Variants in ITM2B observed in about 807,000 individuals in gnomAD.
The protein encoded by ITM2B is ABri/ADan amyloid peptide.
A neutral mutation model predicts 27.8 loss-of-function variants in ITM2B; 11 were observed. The observed-to-expected ratio is 0.40, with a 90% CI of 0.25 to 0.66. The LOEUF (loss-of-function observed/expected upper bound fraction) is 0.66, where lower values mean the gene tolerates loss of function less well. Among genes scored for constraint, ITM2B ranks in the 30% least tolerant of loss-of-function variants. The probability of loss-of-function intolerance (pLI) is 0.43; values close to 1 mark genes in which losing one functional copy is unlikely to be tolerated. For missense variants in ITM2B, 296 were observed against 328.9 expected (o/e 0.90, Z 0.77); for synonymous variants, 114 against 114.3 (o/e 1.00, Z 0.02).
chr13:48,243,437 C>G (rs965127986), intron 1 of ITM2B, among the ~76,000 whole-genome samples: 2 of 152,130 alleles, frequency 1.3e-5, no homozygotes, highest in African/African-American at 4.8e-5. Flanking sequence ...TTAATTTTGA[C>G]AACATATTAA....
chr13:48,242,271 T>C (rs925814955), intron 1 of ITM2B, among the ~76,000 whole-genome samples: 9 of 152,202 alleles, frequency 5.9e-5, no homozygotes, highest in Non-Finnish European at 1.2e-4. Flanking sequence ...TCATGCTTCT[T>C]GGGGCAGGAG....
intron 2 of ITM2B, 139 bp from the exon 3 acceptor site, chr13:48,256,038 T>TA (rs1951785256): frequency 2.9e-6 from 2 of 692,088 alleles, no homozygotes; most frequent in Non-Finnish European, 5.2e-6. Flanking sequence ...ACTCTGTAAT[T>TA]AAACTGTCTG....
intron 1 of ITM2B, among the ~76,000 whole-genome samples, chr13:48,249,919 T>A (rs1435069485): frequency 1.3e-5 from 2 of 152,238 alleles, no homozygotes; most frequent in Non-Finnish European, 2.9e-5. Context: ...TAAAGCTTAC[T>A]CTTTGAAGTG....
chr13:48,256,094 A>G, intron 2 of ITM2B, 83 bp from the exon 3 acceptor site: 1 of 950,152 alleles, frequency 1.1e-6, no homozygotes, highest in Middle Eastern at 2.7e-4. Flanking sequence ...TGCTATTTAG[A>G]TAGAGGTGGC....
At chr13:48,258,984 A>C in intron 5 of ITM2B, 37 bp downstream of exon 5, 1 of 1,530,224 alleles carries the variant, frequency 6.5e-7, no homozygotes, top group Non-Finnish European at 9.0e-7. Context: ...TGGGCAGAAA[A>C]GTTCATTGCA....
chr13:48,237,601 T>C (rs1327633517), intron 1 of ITM2B, among the ~76,000 whole-genome samples: 1 of 152,228 alleles, frequency 6.6e-6, no homozygotes, highest in East Asian at 1.9e-4. Context: ...AGCAGAAATA[T>C]CTCAAATACG....
intron 1 of ITM2B, among the ~76,000 whole-genome samples, chr13:48,247,224 C>A (rs917144388): frequency 1.3e-5 from 2 of 152,286 alleles, no homozygotes; most frequent in South Asian, 4.1e-4. Context: ...AACAACACAT[C>A]TGTGGGCAGC....
rs1466554064 is a variant in ITM2B at position 48,267,567 on chromosome 13, T to C, written c.*6343T>C. ...GTCTTTGTATAACCATGGCATGATA[T>C]TATTCTCTTGACTTTTGTTGAGGAT... On this transcript the variant is annotated 3_prime_UTR_variant, in exon 6 of 6. Transcript: ENST00000647800. 1 of 152,234 alleles carries C rather than the reference T, an allele frequency of 6.6e-6. No individual in the cohort carries two copies. Among genetic ancestry groups the C allele is most frequent in the Non-Finnish European group, 1.5e-5 (1 of 68,044 alleles). 9.4% of individuals were successfully genotyped at this position (152,234 alleles called of 1,614,324 possible). A position where few individuals can be genotyped will look rare whatever the true frequency, so the allele number is the denominator to read the frequency against.
chr13:48,250,507 A>G (rs1951749364), intron 1 of ITM2B, among the ~76,000 whole-genome samples: 2 of 151,920 alleles, frequency 1.3e-5, no homozygotes, highest in Admixed American at 1.3e-4. Flanking sequence ...AGTCTCAGCT[A>G]CTCGGGAGAC....
rs535293798 is a variant in ITM2B at position 48,264,552 on chromosome 13, A to T, written c.*3328A>T. On this transcript the variant is annotated 3_prime_UTR_variant, in exon 6 of 6. Coordinates refer to ENST00000647800, the MANE Select transcript of ITM2B (RefSeq NM_021999.5). ...AAGTGAACATTTAGTAGTTTACTAG[A>T]CATCTTCTCTTCCACCTAGCAAAGA... The T allele has an allele frequency of 7.9e-5, 12 of 152,332 alleles. No individual in the cohort carries two copies. The highest frequency in any genetic ancestry group is 1.7e-4 in the African/African-American group (7 of 41,586). The allele number at this position is 152,332 out of a possible 1,614,324, so 9.4% of individuals were successfully genotyped here. A position where few individuals can be genotyped will look rare whatever the true frequency, so the allele number is the denominator to read the frequency against.
intron 5 of ITM2B, among the ~76,000 whole-genome samples, chr13:48,259,362 C>T (rs1403396836): frequency 6.6e-6 from 1 of 152,228 alleles, no homozygotes; most frequent in Non-Finnish European, 1.5e-5. Context: ...GGAATAATCA[C>T]TGTCAGGGTA....
Position 48,257,255 on chromosome 13 carries a change from G to T in ITM2B, c.454-871G>T, listed in dbSNP as rs900643379. Among the ~76,000 whole-genome samples, 54 of 152,176 alleles carry T rather than the reference G, an allele frequency of 3.5e-4. 1 individual carries two copies. Among genetic ancestry groups the T allele is most frequent in the African/African-American group, 1.2e-3 (49 of 41,450 alleles). ...GGACTGTAGTTAACTAAAGGTAACT[G>T]AAACTCGAGAAGCACAACCTCAGAT... On this transcript the variant is annotated intron_variant, in intron 3 of 5. Coordinates refer to ENST00000647800, the MANE Select transcript of ITM2B (RefSeq NM_021999.5).
rs1448274805 is a variant in ITM2B at position 48,263,423 on chromosome 13, C to T, written c.*2199C>T. 6.6e-6 allele frequency: 1 copy of T among 152,062 alleles called. No homozygotes were observed. 9.4% of individuals were successfully genotyped at this position (152,062 alleles called of 1,614,324 possible). On this transcript the variant is annotated 3_prime_UTR_variant, in exon 6 of 6. Coordinates refer to ENST00000647800, the MANE Select transcript of ITM2B (RefSeq NM_021999.5). ...TAATGTGCCCTTTGAACCCTTGTGC[C>T]ATGCTGGAAACTGTGGTCTTGGTGT...
chr13:48,235,790 C>G (rs1183916190), intron 1 of ITM2B, among the ~76,000 whole-genome samples: 2 of 152,172 alleles, frequency 1.3e-5, no homozygotes, highest in African/African-American at 2.4e-5. Context: ...TAGTTAATGG[C>G]CTAGAACTCC....
At chr13:48,246,252 T>A (rs1375704968) in intron 1 of ITM2B, among the ~76,000 whole-genome samples, 2 of 152,172 alleles carry the variant, frequency 1.3e-5, no homozygotes, top group Admixed American at 6.5e-5. Flanking sequence ...TGAAATAGAG[T>A]ACTCACAAAT....
intron 1 of ITM2B, among the ~76,000 whole-genome samples, chr13:48,238,869 A>G (rs1449113144): frequency 6.6e-6 from 1 of 152,216 alleles, no homozygotes; most frequent in Non-Finnish European, 1.5e-5. Context: ...GTAAAGGAGT[A>G]AAAGAATGGT....
intron 5 of ITM2B, among the ~76,000 whole-genome samples, chr13:48,260,317 G>A (rs1951814425): frequency 6.6e-6 from 1 of 152,158 alleles, no homozygotes; most frequent in South Asian, 2.1e-4. Context: ...ACATGTGCAT[G>A]TGTCTTTATA....
chr13:48,258,657 A>G, intron 4 of ITM2B, 140 bp from the exon 5 acceptor site: 1 of 766,236 alleles, frequency 1.3e-6, no homozygotes, highest in Non-Finnish European at 2.3e-6. Flanking sequence ...CAACATAGTG[A>G]GAACATAAAC....
chr13:48,247,050 T>C (rs1377912418), intron 1 of ITM2B, among the ~76,000 whole-genome samples: 2 of 152,150 alleles, frequency 1.3e-5, no homozygotes, highest in Non-Finnish European at 2.9e-5. Context: ...ATGGTCTCGA[T>C]CTCCTGACCT....
Sources: gnomAD v4.1 joint callset for allele counts (sites outside exome capture counted in the v4.1 genomes callset) on GRCh38, gnomAD v4.1.1 for gene constraint, MANE v1.5 for transcripts, NCBI Gene and HGNC (gene_info 2026-07-23, HGNC 2026-07-21) for gene names.